Variants in CNIH3 observed in about 807,000 individuals in gnomAD.
CNIH3 encodes cornichon family AMPA receptor auxiliary protein 3.
A neutral mutation model predicts 24.1 loss-of-function variants in CNIH3; 14 were observed. That is an observed-to-expected ratio of 0.58 (90% CI 0.38 to 0.91). CNIH3 has a LOEUF of 0.91. Ranked by LOEUF, CNIH3 falls within the 40% of genes least tolerant of loss-of-function variation. The pLI, the probability that CNIH3 is intolerant of heterozygous loss-of-function variation, is 0.00. For synonymous variants in CNIH3, 68 were observed against 73.8 expected (o/e 0.92, Z 0.40); for missense variants, 178 against 196.8 (o/e 0.90, Z 0.57).
intron 1 of CNIH3, among the ~76,000 whole-genome samples, chr1:224,674,712 A>G (rs1167364906): frequency 1.3e-5 from 2 of 151,490 alleles, no homozygotes; most frequent in Admixed American, 1.3e-4. Context: ...TTCAGTGTTC[A>G]TAGAAACAGC....
chr1:224,607,733 T>C (rs1008349299), intron 3 of CNIH3, among the ~76,000 whole-genome samples: 5 of 152,258 alleles, frequency 3.3e-5, no homozygotes, highest in African/African-American at 1.2e-4. Context: ...TCTCGGGGCC[T>C]ACAAGGAGTT....
At chr1:224,443,305 T>G (rs1225136131) in intron 1 of CNIH3, among the ~76,000 whole-genome samples, 4 of 152,174 alleles carry the variant, frequency 2.6e-5, no homozygotes, top group Non-Finnish European at 5.9e-5. Context: ...TAGGTTTATA[T>G]TTACAACTAC....
At chr1:224,472,715 A>G (rs1676421093) in intron 1 of CNIH3, among the ~76,000 whole-genome samples, 1 of 152,206 alleles carries the variant, frequency 6.6e-6, no homozygotes, top group Non-Finnish European at 1.5e-5. Flanking sequence ...GTGCACCACA[A>G]TCTCAGAAAT....
At chr1:224,636,952 C>CTTT (rs202049764) in intron 1 of CNIH3, among the ~76,000 whole-genome samples, 6 of 134,314 alleles carry the variant, frequency 4.5e-5, no homozygotes, top group Non-Finnish European at 6.5e-5. Flanking sequence ...GAGATGCATT[C>CTTT]TTTTTTTTTT....
chr1:224,582,550 T>C (rs1235777029), intron 4 of CNIH3, among the ~76,000 whole-genome samples: 1 of 152,206 alleles, frequency 6.6e-6, no homozygotes, highest in Admixed American at 6.5e-5. Context: ...AGAACTTCCT[T>C]CTTACGTGTA....
chr1:224,497,731 C>T (rs1677493888), intron 1 of CNIH3, among the ~76,000 whole-genome samples: 1 of 152,186 alleles, frequency 6.6e-6, no homozygotes, highest in Non-Finnish European at 1.5e-5. Context: ...CTGAAGAGTG[C>T]TGAACACTTC....
chr1:224,641,504 A>G (rs1226319783), intron 1 of CNIH3, among the ~76,000 whole-genome samples: 1 of 152,148 alleles, frequency 6.6e-6, no homozygotes, highest in African/African-American at 2.4e-5. Flanking sequence ...TGTACCTTCC[A>G]GCTATTGCTT....
At chr1:224,497,246 G>A (rs576859080) in intron 1 of CNIH3, among the ~76,000 whole-genome samples, 1 of 152,326 alleles carries the variant, frequency 6.6e-6, no homozygotes, top group Admixed American at 6.5e-5. Flanking sequence ...ACTGCTAATA[G>A]GTACAAGATT....
At chr1:224,577,345 T>G (rs772742535) in intron 4 of CNIH3, among the ~76,000 whole-genome samples, 17 of 151,808 alleles carry the variant, frequency 1.1e-4, no homozygotes, top group Non-Finnish European at 1.9e-4. Context: ...TACAAGGAAC[T>G]CAAACAAATC....
chr1:224,655,271 C>G (rs1244198881), intron 1 of CNIH3, among the ~76,000 whole-genome samples: 4 of 152,102 alleles, frequency 2.6e-5, no homozygotes, highest in African/African-American at 4.8e-5. Context: ...AATAAGTACC[C>G]TAATAAGATC....
At chr1:224,589,120 G>A (rs769405584), downstream of CNIH3, among the ~76,000 whole-genome samples, 5 of 152,054 alleles carry the variant, frequency 3.3e-5, no homozygotes, top group Non-Finnish European at 5.9e-5. Flanking sequence ...TGCAATGCGC[G>A]AGTTGAAACT....
At chr1:224,625,995 T>G (rs987587893) in intron 1 of CNIH3, among the ~76,000 whole-genome samples, 2 of 152,160 alleles carry the variant, frequency 1.3e-5, no homozygotes, top group African/African-American at 4.8e-5. Flanking sequence ...CTTTGACAAC[T>G]AGGTGTAGAT....
intron 1 of CNIH3, among the ~76,000 whole-genome samples, chr1:224,486,143 T>C (rs1677020820): frequency 6.6e-6 from 1 of 152,192 alleles, no homozygotes; most frequent in South Asian, 2.1e-4. Flanking sequence ...TCTGGCTCTG[T>C]TGCTCAGGCT....
At chr1:224,723,652 G>A (rs775091469) in intron 3 of CNIH3, among the ~76,000 whole-genome samples, 1 of 152,242 alleles carries the variant, frequency 6.6e-6, no homozygotes, top group Non-Finnish European at 1.5e-5. Context: ...GCAGACAACT[G>A]TCTCTTGCTT....
chr1:224,484,563 A>G (rs1435752709), intron 1 of CNIH3, among the ~76,000 whole-genome samples: 1 of 152,168 alleles, frequency 6.6e-6, no homozygotes, highest in Non-Finnish European at 1.5e-5. Flanking sequence ...TATCAAATTT[A>G]TAAATTTTAT....
Position 224,642,312 on chromosome 1 carries a change from C to T in CNIH3, c.81+25057C>T, listed in dbSNP as rs146686873. On this transcript the variant is annotated intron_variant, in intron 1 of 5. Transcript: ENST00000272133. ...GTGGTGCGATTATGGCTCACTGCAG[C>T]CTCAAAGCCCTGGGCTCAAGTGATT... Among the ~76,000 whole-genome samples, 421 of 152,294 alleles carry T rather than the reference C, an allele frequency of 2.8e-3. 4 individuals carry two copies. The highest frequency in any genetic ancestry group is 0.024 in the East Asian group (124 of 5,184).
chr1:224,601,606 G>C (rs1303258736), intron 3 of CNIH3, among the ~76,000 whole-genome samples: 1 of 152,110 alleles, frequency 6.6e-6, no homozygotes, highest in Non-Finnish European at 1.5e-5. Flanking sequence ...GTGTAGGGGG[G>C]TCATGTCTGC....
chr1:224,649,778 T>G (rs1285403362), intron 1 of CNIH3, among the ~76,000 whole-genome samples: 2 of 152,190 alleles, frequency 1.3e-5, no homozygotes, highest in Non-Finnish European at 2.9e-5. Context: ...CTGGGAAGTA[T>G]TTACACCTGT....
At chr1:224,670,016 T>A (rs909127801) in intron 1 of CNIH3, among the ~76,000 whole-genome samples, 2 of 152,112 alleles carry the variant, frequency 1.3e-5, no homozygotes, top group Non-Finnish European at 2.9e-5. Context: ...TATCACCCCA[T>A]TTTGCATTCA....
Sources: allele counts gnomAD v4.1 joint callset (sites outside exome capture counted in the v4.1 genomes callset), GRCh38; gene constraint gnomAD v4.1.1; transcripts MANE v1.5; gene names NCBI Gene and HGNC (gene_info 2026-07-23, HGNC 2026-07-21).